Variants in EFCAB13 observed in about 807,000 individuals in gnomAD.
The protein encoded by EFCAB13 is EF-hand calcium-binding domain-containing protein 13.
EFCAB13 carries 91 observed loss-of-function variants against 110.2 expected under a neutral mutation model. The ratio of observed to expected loss-of-function variants is 0.83; its 90% CI spans 0.70 to 0.98. EFCAB13 has a LOEUF of 0.98. EFCAB13 is among the 50% of genes least tolerant of loss of function. The pLI is 0.00. For synonymous variants in EFCAB13, 323 were observed against 369.9 expected (o/e 0.87, Z 1.45); for missense variants, 968 against 1,119.4 (o/e 0.86, Z 1.93).
intron 24 of EFCAB13, among the ~76,000 whole-genome samples, chr17:47,437,859 AT>A (rs1905241749): frequency 2.6e-5 from 4 of 151,806 alleles, no homozygotes; most frequent in Non-Finnish European, 4.4e-5. Flanking sequence ...TTTAACTTGT[AT>A]TTTTGTTTTA....
Position 47,433,839 on chromosome 17 carries a change from C to A in EFCAB13, c.2638+3878C>A, listed in dbSNP as rs1469374643. On this transcript the variant is annotated intron_variant, in intron 24 of 24. Coordinates refer to ENST00000331493, the MANE Select transcript of EFCAB13 (RefSeq NM_152347.5). ...ATTTTACTAGTACTTTCTATTTCAGCCACCTGTTCCATATTTCCTTTTCTC... is the reference window on the plus strand; with the variant it reads ...ATTTTACTAGTACTTTCTATTTCAGACACCTGTTCCATATTTCCTTTTCTC... 2.0e-5 allele frequency among the ~76,000 whole-genome samples: 3 copies of A among 152,078 alleles called. No individual in the cohort carries two copies. In the East Asian group the frequency reaches 5.8e-4, roughly 29 times the overall value.
chr17:47,357,452 A>G (rs572158429), intron 9 of EFCAB13, among the ~76,000 whole-genome samples: 2 of 152,090 alleles, frequency 1.3e-5, no homozygotes, highest in Non-Finnish European at 2.9e-5. Context: ...TTACTATTTT[A>G]TACTCCAGGC....
intron 18 of EFCAB13, among the ~76,000 whole-genome samples, chr17:47,403,176 T>G (rs1302203265): frequency 1.3e-5 from 2 of 152,184 alleles, no homozygotes; most frequent in Non-Finnish European, 2.9e-5. Flanking sequence ...TTCTGTTGAC[T>G]TTAATAATAA....
At chr17:47,428,984 G>A (rs1009488914) in intron 23 of EFCAB13, among the ~76,000 whole-genome samples, 4 of 152,066 alleles carry the variant, frequency 2.6e-5, no homozygotes, top group African/African-American at 9.7e-5. Flanking sequence ...AAATATGTAG[G>A]TATAAGGTAG....
chr17:47,438,972 A>G (rs1377379645), intron 24 of EFCAB13, among the ~76,000 whole-genome samples: 8 of 151,934 alleles, frequency 5.3e-5, no homozygotes, highest in African/African-American at 7.3e-5. Flanking sequence ...TGTATTTCCA[A>G]GCTTCTTTCT....
chr17:47,377,930 C>CTT lies in EFCAB13; in HGVS notation c.1510+28_1510+29insTT, dbSNP rs1263235122. 2.6e-6 allele frequency: 4 copies of CTT among 1,544,820 alleles called. No individual in the cohort carries two copies. In the African/African-American group the frequency reaches 5.7e-5, roughly 22 times the overall value. On this transcript the variant is annotated intron_variant, in intron 13 of 24. Transcript: ENST00000331493. ...TGAGAGACTGATAACACTGAAGTTTCTGAGAAAGTTAGATATTTTTATCGG... is the reference window on the plus strand; with the variant it reads ...TGAGAGACTGATAACACTGAAGTTTCTTTGAGAAAGTTAGATATTTTTATCGG...
At chr17:47,364,621 A>G (rs540699761) in intron 10 of EFCAB13, among the ~76,000 whole-genome samples, 1 of 152,156 alleles carries the variant, frequency 6.6e-6, no homozygotes, top group Non-Finnish European at 1.5e-5. Flanking sequence ...TCCCTATCTT[A>G]GTCCAAGTTC....
intron 23 of EFCAB13, among the ~76,000 whole-genome samples, chr17:47,425,652 A>AGTAG (rs1424080501): frequency 1.3e-5 from 2 of 152,212 alleles, no homozygotes; most frequent in Non-Finnish European, 2.9e-5. Context: ...GAAGATAAGG[A>AGTAG]GTAGGTACCT....
At chr17:47,348,531 C>A (rs1164212248) in intron 9 of EFCAB13, among the ~76,000 whole-genome samples, 1 of 151,642 alleles carries the variant, frequency 6.6e-6, no homozygotes, top group Non-Finnish European at 1.5e-5. Flanking sequence ...GTTTTTTTCC[C>A]TTAATATTAT....
At chr17:47,391,872 G>A (rs1375196875) in intron 15 of EFCAB13, among the ~76,000 whole-genome samples, 3 of 151,940 alleles carry the variant, frequency 2.0e-5, no homozygotes, top group Non-Finnish European at 2.9e-5. Context: ...AAAGAAAGCA[G>A]AATTTGTGGT....
At chr17:47,358,972 T>C (rs2065495346) in intron 9 of EFCAB13, among the ~76,000 whole-genome samples, 1 of 152,224 alleles carries the variant, frequency 6.6e-6, no homozygotes, top group African/African-American at 2.4e-5. Flanking sequence ...AGAGTTCTCA[T>C]TGCTTTTATG....
intron 12 of EFCAB13, among the ~76,000 whole-genome samples, chr17:47,376,327 GAATT>G (rs2065615124): frequency 6.6e-6 from 1 of 150,382 alleles, no homozygotes; most frequent in Non-Finnish European, 1.5e-5. Context: ...TATTTCAAAA[GAATT>G]AAAACCTTGG....
Position 47,361,455 on chromosome 17 carries a change from G to A in EFCAB13, c.739G>A (p.Asp247Asn), listed in dbSNP as rs1309971121. 2.5e-6 allele frequency: 4 copies of A among 1,613,600 alleles called. No homozygotes were observed. Among genetic ancestry groups the A allele is most frequent in the Non-Finnish European group, 3.4e-6 (4 of 1,179,758 alleles). The change falls in exon 10 of 25, where the codon GAT becomes AAT. Residue 247 changes from aspartate to asparagine, a missense_variant. Coordinates refer to ENST00000331493, the MANE Select transcript of EFCAB13 (RefSeq NM_152347.5). ...AACTGATGACGTGTTTGCTGTTTTG[G>A]ATAGCATGGGTATCCCTATAAACCG... ...VSTDDVFAVLDSMGIPINREI... is the reference protein window; with the variant it reads ...VSTDDVFAVLNSMGIPINREI...
chr17:47,398,094 C>T (rs1471243499), intron 17 of EFCAB13, among the ~76,000 whole-genome samples: 1 of 149,052 alleles, frequency 6.7e-6, no homozygotes, highest in Non-Finnish European at 1.5e-5. Context: ...GGCCAGCCGC[C>T]CCGTCCGGGA....
At chr17:47,326,725 A>G (rs1199055187) in intron 3 of EFCAB13, among the ~76,000 whole-genome samples, 3 of 152,244 alleles carry the variant, frequency 2.0e-5, no homozygotes, top group East Asian at 1.9e-4. Flanking sequence ...GAGAAGATCT[A>G]GAAGAGATTA....
At chr17:47,363,519 C>T (rs1005622787) in intron 10 of EFCAB13, among the ~76,000 whole-genome samples, 12 of 150,928 alleles carry the variant, frequency 8.0e-5, no homozygotes, top group African/African-American at 1.5e-4. Flanking sequence ...TCAAGTAAAC[C>T]GAAAATTAAA....
At chr17:47,371,476 A>C (rs2065584447) in intron 11 of EFCAB13, among the ~76,000 whole-genome samples, 1 of 152,174 alleles carries the variant, frequency 6.6e-6, no homozygotes, top group Non-Finnish European at 1.5e-5. Context: ...CATTTATTGA[A>C]GAGGGTATCC....
At position 47,404,009 on chromosome 17, in the gene EFCAB13, G is replaced by C; in HGVS notation, c.2149G>C (p.Asp717His). Reference sequence around the variant, plus strand: ...AGAGGTAGAGAAAATTCTTCAATCAGATTTTGTTTCTGGTAAGCATTTTAA... The same window carrying C: ...AGAGGTAGAGAAAATTCTTCAATCACATTTTGTTTCTGGTAAGCATTTTAA... ...KEEVEKILQS[D>H]FVSEDNMVNI... The change falls in exon 19 of 25, where the codon GAT (aspartate) becomes CAT (histidine). Residue 717 changes from aspartate (D) to histidine (H), a missense_variant. Physicochemically the swap from Asp to His is moderately conservative, Grantham distance 81 (BLOSUM62 -1). Transcript: ENST00000331493. 1 of 1,589,798 alleles carries C rather than the reference G, an allele frequency of 6.3e-7. No individual in the cohort carries two copies. The highest frequency in any genetic ancestry group is 8.5e-7 in the Non-Finnish European group (1 of 1,171,516).
chr17:47,408,726 T>C (rs1257135316), intron 20 of EFCAB13, among the ~76,000 whole-genome samples: 1 of 152,022 alleles, frequency 6.6e-6, no homozygotes, highest in Non-Finnish European at 1.5e-5. Flanking sequence ...CAGAGAATAT[T>C]TGGCAATATC....
Sources: gnomAD v4.1 joint callset for allele counts (sites outside exome capture counted in the v4.1 genomes callset) on GRCh38, gnomAD v4.1.1 for gene constraint, MANE v1.5 for transcripts, NCBI Gene and HGNC (gene_info 2026-07-23, HGNC 2026-07-21) for gene names.